Variants in GPC5 observed in about 807,000 individuals in gnomAD.
GPC5 encodes glypican-5.
A neutral mutation model predicts 53.9 loss-of-function variants in GPC5; 47 were observed. That is an observed-to-expected ratio of 0.87 (90% CI 0.69 to 1.11). GPC5 has a LOEUF of 1.11. Ranked by LOEUF, GPC5 falls within the 50% of genes most tolerant of loss-of-function variation. The pLI is 0.00. For missense variants in GPC5, 748 were observed against 713.1 expected, an observed-to-expected ratio of 1.05 and a Z score of -0.56; for synonymous variants, 286 against 263.3, an observed-to-expected ratio of 1.09 and a Z score of -0.84.
intron 7 of GPC5, among the ~76,000 whole-genome samples, chr13:92,274,627 G>T (rs2042862566): frequency 6.6e-6 from 1 of 152,104 alleles, no homozygotes. Flanking sequence ...CAAGGTGTCA[G>T]TAACAGCTGG....
At chr13:91,759,295 C>T (rs1279930964) in intron 5 of GPC5, among the ~76,000 whole-genome samples, 1 of 151,800 alleles carries the variant, frequency 6.6e-6, no homozygotes, top group Non-Finnish European at 1.5e-5. Context: ...TATTTTGATA[C>T]AGGCATGCAA....
intron 7 of GPC5, among the ~76,000 whole-genome samples, chr13:92,584,743 G>A (rs946691219): frequency 6.6e-6 from 1 of 152,074 alleles, no homozygotes; most frequent in African/African-American, 2.4e-5. Flanking sequence ...AGGAGAAAAT[G>A]GTTTCCTGGG....
At chr13:92,524,964 G>T (rs1275248057) in intron 7 of GPC5, among the ~76,000 whole-genome samples, 2 of 152,036 alleles carry the variant, frequency 1.3e-5, no homozygotes, top group Non-Finnish European at 2.9e-5. Context: ...CAATGCTTGG[G>T]TTTCTAAGTG....
chr13:91,401,858 G>A (rs1876979103), intron 1 of GPC5, among the ~76,000 whole-genome samples: 1 of 152,148 alleles, frequency 6.6e-6, no homozygotes, highest in Non-Finnish European at 1.5e-5. Flanking sequence ...TCCTAAGGAT[G>A]TTTGGATGAG....
chr13:91,410,690 C>G (rs1237510379), intron 1 of GPC5, among the ~76,000 whole-genome samples: 2 of 152,098 alleles, frequency 1.3e-5, no homozygotes. Flanking sequence ...TATTTGCCTC[C>G]CCTCACTCCC....
chr13:92,460,159 A>G (rs1403860282), intron 7 of GPC5, among the ~76,000 whole-genome samples: 3 of 152,204 alleles, frequency 2.0e-5, no homozygotes, highest in Non-Finnish European at 2.9e-5. Flanking sequence ...AAAATTTACA[A>G]TAAAATTCTT....
At chr13:92,031,013 GC>G (rs2138805934) in intron 6 of GPC5, among the ~76,000 whole-genome samples, 1 of 152,116 alleles carries the variant, frequency 6.6e-6, no homozygotes, top group South Asian at 2.1e-4. Flanking sequence ...ATTTTTCATG[GC>G]CTTTTTACAG....
At chr13:91,847,120 G>A (rs1236637714) in intron 5 of GPC5, among the ~76,000 whole-genome samples, 8 of 150,958 alleles carry the variant, frequency 5.3e-5, no homozygotes, top group Admixed American at 4.6e-4. Flanking sequence ...TCGGGAGGCT[G>A]AGGCAGGAGA....
chr13:92,048,782 T>A (rs1374349466), intron 6 of GPC5, among the ~76,000 whole-genome samples: 2 of 152,192 alleles, frequency 1.3e-5, no homozygotes, highest in African/African-American at 2.4e-5. Context: ...CACCGAGCAG[T>A]CACAATGGTT....
chr13:92,240,051 C>CA (rs940084610), intron 7 of GPC5: 1 of 152,004 alleles, frequency 6.6e-6, no homozygotes, highest in Admixed American at 6.5e-5. Flanking sequence ...AAAAACTTCA[C>CA]AAAAAATGAA....
intron 7 of GPC5, among the ~76,000 whole-genome samples, chr13:92,454,916 T>C (rs191599770): frequency 8.5e-5 from 13 of 152,348 alleles, no homozygotes; most frequent in Admixed American, 7.8e-4. Flanking sequence ...TTAATTCTGT[T>C]ATTCTGTAAC....
Position 91,541,160 on chromosome 13 carries a change from TCTA to T in GPC5, c.325+92242_325+92244del, listed in dbSNP as rs367605410. On this transcript the variant is annotated intron_variant, in intron 2 of 7. Transcript: ENST00000377067. ...GCTCATTCACATGATTAAAATTTTATCTACTATTATAGAAATTGAGTTTTTAAG... is the reference window on the plus strand; with the variant it reads ...GCTCATTCACATGATTAAAATTTTATCTATTATAGAAATTGAGTTTTTAAG... 1.9e-3 allele frequency among the ~76,000 whole-genome samples: 286 copies of T among 152,320 alleles called. 1 individual carries two copies. Among genetic ancestry groups the T allele is most frequent in the South Asian group, 3.9e-3 (19 of 4,828 alleles).
chr13:91,982,888 A>G (rs779474404), intron 6 of GPC5, among the ~76,000 whole-genome samples: 48 of 152,184 alleles, frequency 3.2e-4, no homozygotes, highest in Non-Finnish European at 6.2e-4. Context: ...GAGTCAGGGT[A>G]ACCTTTACTC....
chr13:91,724,346 G>A (rs989276527), intron 3 of GPC5, among the ~76,000 whole-genome samples: 12 of 152,050 alleles, frequency 7.9e-5, no homozygotes, highest in South Asian at 2.1e-4. Context: ...GTGGCCTGAA[G>A]CAAAGCAATC....
At chr13:91,960,791 C>G (rs572880729) in intron 6 of GPC5, among the ~76,000 whole-genome samples, 2 of 151,918 alleles carry the variant, frequency 1.3e-5, no homozygotes, top group African/African-American at 4.8e-5. Flanking sequence ...ATAGAGGTGT[C>G]AAGAACATAC....
intron 6 of GPC5, among the ~76,000 whole-genome samples, chr13:92,009,253 C>CGTGTGTGTGT (rs3059952): frequency 0.034 from 4,780 of 139,726 alleles, 165 homozygotes; most frequent in East Asian, 0.14. Flanking sequence ...GCTGGATTTT[C>CGTGTGTGTGT]GTGTGTGTGT....
rs572137593 is a variant in GPC5, at chr13:92,144,728, G to A, written c.1402-102G>A. The A allele has an allele frequency of 4.6e-5, 51 of 1,107,548 alleles. No homozygotes were observed. In the African/African-American group the frequency reaches 7.4e-4, roughly 16 times the overall value. 68.6% of individuals were successfully genotyped at this position (1,107,548 alleles called of 1,614,324 possible). On this transcript the variant is annotated intron_variant, in intron 6 of 7. Coordinates refer to ENST00000377067, the MANE Select transcript of GPC5 (RefSeq NM_004466.6). ...TTGACTTGGTGTCTACACCAAAAGA[G>A]TGGATCCACATAACAAAATAATTCT...
At chr13:91,955,246 G>A (rs1214666800) in intron 6 of GPC5, among the ~76,000 whole-genome samples, 1 of 152,138 alleles carries the variant, frequency 6.6e-6, no homozygotes, top group African/African-American at 2.4e-5. Flanking sequence ...TAAATCAATT[G>A]GAGGAACGCA....
At chr13:91,949,736 A>G (rs2139057365) in intron 6 of GPC5, among the ~76,000 whole-genome samples, 1 of 152,344 alleles carries the variant, frequency 6.6e-6, no homozygotes, top group East Asian at 1.9e-4. Flanking sequence ...CAAAAGCAAA[A>G]AATCAGAGGT....
Sources: gnomAD v4.1 joint callset for allele counts (sites outside exome capture counted in the v4.1 genomes callset) on GRCh38, gnomAD v4.1.1 for gene constraint, MANE v1.5 for transcripts, NCBI Gene and HGNC (gene_info 2026-07-23, HGNC 2026-07-21) for gene names.